The following AFF1 variants were observed in gnomAD, a reference collection of about 807,000 sequenced individuals.
AFF1 encodes the protein AF4/FMR2 family member 1.
Under a neutral mutation model 121.7 loss-of-function variants are expected in AFF1, and 48 were observed. The ratio of observed to expected loss-of-function variants is 0.39; its 90% CI spans 0.31 to 0.50. The LOEUF is 0.50. AFF1 is among the 20% of genes least tolerant of loss of function. AFF1 has a pLI of 0.76. For synonymous variants in AFF1, 613 were observed against 563.0 expected (o/e 1.09, Z -1.26); for missense variants, 1,523 against 1,511.7 (o/e 1.01, Z -0.12).
intron 2 of AFF1, among the ~76,000 whole-genome samples, chr4:87,026,307 G>C (rs1162849305): frequency 6.6e-6 from 1 of 152,182 alleles, no homozygotes; most frequent in East Asian, 1.9e-4. Flanking sequence ...ATGTTGGCCA[G>C]GCTGGTCTTT....
intron 11 of AFF1, among the ~76,000 whole-genome samples, chr4:87,109,404 T>C (rs2149754202): frequency 6.6e-6 from 1 of 152,336 alleles, no homozygotes; most frequent in African/African-American, 2.4e-5. Flanking sequence ...GAGCTTGATA[T>C]GTTTTGGAGT....
At chr4:87,123,093 A>C (rs570070648) in intron 12 of AFF1, among the ~76,000 whole-genome samples, 3 of 152,036 alleles carry the variant, frequency 2.0e-5, no homozygotes, top group African/African-American at 7.2e-5. Flanking sequence ...GGAGTTTCAC[A>C]ATGTTGGCCA....
In AFF1 at chr4:86,949,664, G is replaced by A. The variant is rs917038088; in HGVS notation, c.38+1093G>A. On this transcript the variant is annotated intron_variant, in intron 2 of 20. Coordinates refer to ENST00000395146, the MANE Select transcript of AFF1 (RefSeq NM_001166693.3). ...GGGCTGAGCCTCAGCAGGGGTGAGC[G>A]CTCAGAGCAGGAAGGGGATGATGGG... 17 of 1,549,522 alleles carry A rather than the reference G, an allele frequency of 1.1e-5. No homozygotes were observed. In the South Asian group the frequency reaches 1.2e-4, roughly 11 times the overall value.
intron 2 of AFF1, among the ~76,000 whole-genome samples, chr4:86,998,308 G>A (rs778156253): frequency 2.6e-5 from 4 of 152,066 alleles, no homozygotes; most frequent in South Asian, 4.2e-4. Context: ...AGCTAGTCTC[G>A]CTAGAAGAAA....
At chr4:87,115,690 G>A (rs1180130700) in intron 12 of AFF1, among the ~76,000 whole-genome samples, 1 of 139,160 alleles carries the variant, frequency 7.2e-6, no homozygotes, top group Non-Finnish European at 1.5e-5. Context: ...GCTCACTGCA[G>A]CCCCTACCTC....
chr4:87,010,307 CAAT>C (rs1726610379), intron 2 of AFF1, among the ~76,000 whole-genome samples: 3 of 152,120 alleles, frequency 2.0e-5, no homozygotes, highest in Non-Finnish European at 4.4e-5. Flanking sequence ...ATTTTGAAAA[CAAT>C]AAGTATTTGG....
rs138821448 is a variant in AFF1 at position 87,041,273 on chromosome 4, T to G, written c.39-4893T>G. On this transcript the variant is annotated intron_variant, in intron 2 of 20. Transcript: ENST00000395146. ...TTGTGAAAATTAAATAGAAAACTGA[T>G]GTGATAGTGCCAAAATCAGTGTTGA... Among the ~76,000 whole-genome samples the G allele has an allele frequency of 8.5e-5, 13 of 152,296 alleles. No homozygotes were observed. The East Asian group carries it at 9.6e-4, about 11-fold the overall frequency.
At chr4:87,046,135 T>C (rs114322212) in intron 2 of AFF1, 31 bp from the exon 3 acceptor site, 1 of 1,607,268 alleles carries the variant, frequency 6.2e-7, no homozygotes, top group African/African-American at 1.4e-5. Flanking sequence ...TAAATTTTAT[T>C]GTTTTCATTC....
At chr4:87,072,284 A>T (rs1722151117) in intron 4 of AFF1, among the ~76,000 whole-genome samples, 1 of 148,538 alleles carries the variant, frequency 6.7e-6, no homozygotes, top group Admixed American at 6.9e-5. Context: ...AATGGCGTGA[A>T]CCCGGGAGGC....
intron 2 of AFF1, among the ~76,000 whole-genome samples, chr4:86,961,771 T>C (rs1263161778): frequency 1.3e-5 from 2 of 152,150 alleles, no homozygotes; most frequent in Non-Finnish European, 2.9e-5. Context: ...GTGTGCTCTC[T>C]CAGAGCACTT....
At chr4:86,980,290 A>G (rs570322160) in intron 2 of AFF1, among the ~76,000 whole-genome samples, 41 of 152,360 alleles carry the variant, frequency 2.7e-4, no homozygotes, top group African/African-American at 8.7e-4. Context: ...ACTATATGTA[A>G]TAGCAAAAGA....
chr4:87,100,107 T>C (rs539456502), intron 8 of AFF1, among the ~76,000 whole-genome samples: 1 of 152,304 alleles, frequency 6.6e-6, no homozygotes, highest in East Asian at 1.9e-4. Flanking sequence ...ACATCATAAC[T>C]GCTAATTTAC....
chr4:86,972,131 CAAAAAAAAAAAAA>C (rs59683267), intron 2 of AFF1, among the ~76,000 whole-genome samples: 9 of 57,958 alleles, frequency 1.6e-4, no homozygotes, highest in Non-Finnish European at 2.1e-4. Context: ...GAGCTTGTCT[CAAAAAAAAAAAAA>C]AAAAAAAAAA....
At position 86,954,476 on chromosome 4, in the gene AFF1, C is replaced by G. The variant is rs763655695; in HGVS notation, c.38+5905C>G. Among the ~76,000 whole-genome samples the G allele has an allele frequency of 1.9e-4, 29 of 152,188 alleles. 1 individual carries two copies. The highest frequency in any genetic ancestry group is 7.3e-5 in the Non-Finnish European group (5 of 68,038). On this transcript the variant is annotated intron_variant, in intron 2 of 20. Coordinates refer to ENST00000395146, the MANE Select transcript of AFF1 (RefSeq NM_001166693.3). ...GTGGCTAATGCCTGTAATCCCAGCA[C>G]TTTGAGAGGCTGAGGTGGGCAGACT... is the stretch of plus-strand genomic sequence containing the variant.
intron 2 of AFF1, among the ~76,000 whole-genome samples, chr4:86,999,495 A>T (rs549799656): frequency 6.6e-6 from 1 of 152,194 alleles, no homozygotes; most frequent in Non-Finnish European, 1.5e-5. Context: ...TGTAGACACA[A>T]TGAGAAAATG....
At chr4:87,000,344 G>C (rs1483300067) in intron 2 of AFF1, among the ~76,000 whole-genome samples, 1 of 152,160 alleles carries the variant, frequency 6.6e-6, no homozygotes, top group Non-Finnish European at 1.5e-5. Flanking sequence ...AGGAAAAACT[G>C]AGAAATAATG....
intron 4 of AFF1, among the ~76,000 whole-genome samples, chr4:87,064,878 GAAAA>G (rs397932923): frequency 7.2e-6 from 1 of 139,084 alleles, no homozygotes; most frequent in African/African-American, 2.6e-5. Context: ...CGTCTCAAAA[GAAAA>G]AAAAAAAAAA....
chr4:87,070,591 T>A (rs1721931584), intron 4 of AFF1, among the ~76,000 whole-genome samples: 1 of 152,298 alleles, frequency 6.6e-6, no homozygotes, highest in South Asian at 2.1e-4. Context: ...CATTTATGCA[T>A]GTGCATGCAC....
chr4:86,980,947 A>ACCCCCCCC lies in AFF1; in HGVS notation c.38+32378_38+32385dup, dbSNP rs57473395. On this transcript the variant is annotated intron_variant, in intron 2 of 20. Transcript: ENST00000395146. ...CCCAGCACTTTGCGAGGCTTGAGGC[A>ACCCCCCCC]CCCCCCCCCTCCACCAAAAAAAAGG... 8.8e-5 allele frequency among the ~76,000 whole-genome samples: 9 copies of ACCCCCCCC among 102,428 alleles called. 1 individual carries two copies. The highest frequency in any genetic ancestry group is 3.1e-4 in the African/African-American group (9 of 28,710). The allele number at this position is 102,428 out of a possible 152,430, so 67.2% of individuals were successfully genotyped here.
Sources: gnomAD v4.1 joint callset for allele counts (sites outside exome capture counted in the v4.1 genomes callset) on GRCh38, gnomAD v4.1.1 for gene constraint, MANE v1.5 for transcripts, NCBI Gene and HGNC (gene_info 2026-07-23, HGNC 2026-07-21) for gene names.